CD59: variants seen among roughly 807,000 people sequenced by gnomAD.
CD59 encodes the protein CD59 molecule (CD59 blood group), also known as CD59 glycoprotein.
CD59 carries 3 observed loss-of-function variants against 7.0 expected under a neutral mutation model. The ratio of observed to expected loss-of-function variants is 0.43; its 90% CI spans 0.19 to 1.10. The LOEUF (loss-of-function observed/expected upper bound fraction) is 1.10, where lower values mean the gene tolerates loss of function less well. Among genes scored for constraint, CD59 ranks in the 50% least tolerant of loss-of-function variants. The pLI is 0.29. For synonymous variants in CD59, 60 were observed against 62.0 expected, an observed-to-expected ratio of 0.97 and a Z score of 0.15; for missense variants, 143 against 151.0, an observed-to-expected ratio of 0.95 and a Z score of 0.28.
chr11:33,731,641 C>T (rs943382685), intron 1 of CD59, among the ~76,000 whole-genome samples: 3 of 152,210 alleles, frequency 2.0e-5, no homozygotes, highest in South Asian at 2.1e-4. Flanking sequence ...TCAGGTGCTG[C>T]GTTTCTGCTG....
At position 33,711,356 on chromosome 11, in the gene CD59, T is replaced by C. The variant is rs938250873; in HGVS notation, c.170-1013A>G. 1.3e-5 allele frequency: 9 copies of C among 699,562 alleles called. No homozygotes were observed. In the African/African-American group the frequency reaches 1.4e-4, roughly 11 times the overall value. 43.3% of individuals were successfully genotyped at this position (699,562 alleles called of 1,614,324 possible). A position where few individuals can be genotyped will look rare whatever the true frequency, so the allele number is the denominator to read the frequency against. On this transcript the variant is annotated intron_variant, in intron 3 of 3. Coordinates refer to ENST00000642928, the MANE Select transcript of CD59 (RefSeq NM_000611.6). ...ATAGTATCCAGGATATAGAAAACAT[T>C]CTTAAACTCTACAATAAAAAGACTA...
chr11:33,718,221 G>A lies in CD59; in HGVS notation c.68-750C>T, dbSNP rs929189538. ...ATCTGGGCCAGGCGCAGTGGCTCAC[G>A]CCTGTAATCCCAGCACTTAGGGAAG... is the stretch of plus-strand genomic sequence containing the variant. On this transcript the variant is annotated intron_variant, in intron 2 of 3. Transcript: ENST00000642928. 5.2e-5 allele frequency: 8 copies of A among 153,098 alleles called. 1 individual carries two copies. Among genetic ancestry groups the A allele is most frequent in the Admixed American group, 3.9e-4 (6 of 15,394 alleles). 9.5% of individuals were successfully genotyped at this position (153,098 alleles called of 1,614,324 possible).
intron 1 of CD59, among the ~76,000 whole-genome samples, chr11:33,734,621 C>A (rs1046122273): frequency 6.6e-6 from 1 of 152,206 alleles, no homozygotes; most frequent in African/African-American, 2.4e-5. Context: ...GCAGTTTGTT[C>A]CGGAATGCCA....
At chr11:33,729,026 G>C (rs1854338258) in intron 1 of CD59, among the ~76,000 whole-genome samples, 1 of 152,208 alleles carries the variant, frequency 6.6e-6, no homozygotes, top group African/African-American at 2.4e-5. Context: ...ACAGATGCTG[G>C]AGAGGATGTG....
intron 3 of CD59, among the ~76,000 whole-genome samples, chr11:33,710,818 A>G (rs1853516601): frequency 6.6e-6 from 1 of 151,426 alleles, no homozygotes; most frequent in South Asian, 2.1e-4. Context: ...TCAGCCTCCC[A>G]AAGTGATAGA....
chr11:33,721,273 C>T (rs892714952), intron 2 of CD59, among the ~76,000 whole-genome samples: 4 of 152,090 alleles, frequency 2.6e-5, no homozygotes, highest in Admixed American at 6.5e-5. Flanking sequence ...TGTGTCCTGG[C>T]GCCAAGTTAC....
chr11:33,719,467 C>T (rs933548565), intron 2 of CD59: 2 of 152,094 alleles, frequency 1.3e-5, no homozygotes, highest in Non-Finnish European at 2.9e-5. Context: ...ACAAAATATA[C>T]AAAGATTAGC....
At position 33,717,447 on chromosome 11, in the gene CD59, C is replaced by A; in HGVS notation, c.92G>T (p.Cys31Phe). The A allele has an allele frequency of 6.2e-7, 1 of 1,612,108 alleles. No homozygotes were observed. The highest frequency in any genetic ancestry group is 8.5e-7 in the Non-Finnish European group (1 of 1,178,288). ...HSGHSLQCYNCPNPTADCKTA... is the reference protein window; with the variant it reads ...HSGHSLQCYNFPNPTADCKTA... Reference sequence around the variant, plus strand: ...TTTGCAGTCAGCAGTTGGGTTAGGACAGTTGTAGCACTGCAGGCTATGACC... The same window carrying A: ...TTTGCAGTCAGCAGTTGGGTTAGGAAAGTTGTAGCACTGCAGGCTATGACC... Residue 31 changes from cysteine to phenylalanine, a missense_variant, in exon 3 of 4, where the codon TGT becomes TTT. Cys to Phe is a radical substitution (Grantham distance 205). Coordinates refer to ENST00000642928, the MANE Select transcript of CD59 (RefSeq NM_000611.6).
chr11:33,730,245 C>T (rs1384402806), intron 1 of CD59, among the ~76,000 whole-genome samples: 3 of 151,336 alleles, frequency 2.0e-5, no homozygotes, highest in Non-Finnish European at 4.4e-5. Flanking sequence ...CTGGCAAAAC[C>T]CCATCTCTAC....
At chr11:33,732,939 GGAA>G (rs1280460113) in intron 1 of CD59, among the ~76,000 whole-genome samples, 2 of 152,192 alleles carry the variant, frequency 1.3e-5, no homozygotes, top group Non-Finnish European at 2.9e-5. Flanking sequence ...CATTGAAAGA[GGAA>G]GAAGGTAGCA....
rs1271873272 is a variant in CD59, at chr11:33,707,199, TCTGTTGGCAGCAACAGAAACTAATG to T, written c.*2902_*2926del. 6.6e-6 allele frequency: 1 copy of T among 152,230 alleles called. No homozygotes were observed. Among genetic ancestry groups the T allele is most frequent in the Non-Finnish European group, 1.5e-5 (1 of 68,064 alleles). The allele number at this position is 152,230 out of a possible 1,614,324, so 9.4% of individuals were successfully genotyped here. On this transcript the variant is annotated 3_prime_UTR_variant, in exon 4 of 4. Coordinates refer to ENST00000642928, the MANE Select transcript of CD59 (RefSeq NM_000611.6). Reference sequence around the variant, plus strand: ...GGGGATCTGTTAGCATTAGTTCAGATCTGTTGGCAGCAACAGAAACTAATGCGAGCTAGTAGACTTTGAACACTGC... The same window carrying T: ...GGGGATCTGTTAGCATTAGTTCAGATCGAGCTAGTAGACTTTGAACACTGC...
At chr11:33,720,159 C>T (rs952002844) in intron 2 of CD59, among the ~76,000 whole-genome samples, 1 of 152,222 alleles carries the variant, frequency 6.6e-6, no homozygotes, top group Non-Finnish European at 1.5e-5. Context: ...CATCTATGTG[C>T]TAAGCTCTTC....
At chr11:33,722,354 C>T (rs1248149645) in intron 2 of CD59, 25 bp downstream of exon 2, 1 of 1,550,524 alleles carries the variant, frequency 6.4e-7, no homozygotes, top group Non-Finnish European at 8.9e-7. Flanking sequence ...AGCCTAGATC[C>T]ATGTCCTGAG....
In CD59 at chr11:33,705,297, G is replaced by T. The variant is rs1853265923; in HGVS notation, c.*4829C>A. 6.6e-6 allele frequency: 1 copy of T among 152,242 alleles called. No homozygotes were observed. 9.4% of individuals were successfully genotyped at this position (152,242 alleles called of 1,614,324 possible). A position where few individuals can be genotyped will look rare whatever the true frequency, so the allele number is the denominator to read the frequency against. On this transcript the variant is annotated 3_prime_UTR_variant, in exon 4 of 4. Transcript: ENST00000642928. The stretch of plus-strand genomic sequence containing the variant: ...CACAAGCAACAGAAGCTTACACTGA[G>T]AATTTATTGGAGGGCTTTGAGACAG...
At chr11:33,710,895 A>G (rs79251013) in intron 3 of CD59, among the ~76,000 whole-genome samples, 2 of 152,012 alleles carry the variant, frequency 1.3e-5, no homozygotes, top group East Asian at 1.9e-4. Context: ...GAATGGTCAG[A>G]AAAAAACCTG....
rs939059992 is a variant in CD59, at chr11:33,706,362, C to T, written c.*3764G>A. 1 of 152,122 alleles carries T rather than the reference C, an allele frequency of 6.6e-6. No individual in the cohort carries two copies. Among genetic ancestry groups the T allele is most frequent in the Non-Finnish European group, 1.5e-5 (1 of 68,020 alleles). 9.4% of individuals were successfully genotyped at this position (152,122 alleles called of 1,614,324 possible). ...AAAAGAGACTTCTGGCTAGTTTTCACTTATGTCCAAGTCAGTGGGGGTAAA... is the reference window on the plus strand; with the variant it reads ...AAAAGAGACTTCTGGCTAGTTTTCATTTATGTCCAAGTCAGTGGGGGTAAA... On this transcript the variant is annotated 3_prime_UTR_variant, in exon 4 of 4. Coordinates refer to ENST00000642928, the MANE Select transcript of CD59 (RefSeq NM_000611.6).
chr11:33,722,556 G>A (rs1328481611), intron 1 of CD59, 93 bp from the exon 2 acceptor site: 1 of 1,555,186 alleles, frequency 6.4e-7, no homozygotes, highest in East Asian at 2.4e-5. Context: ...GAAGGCTTCT[G>A]AGAGGAACAT....
chr11:33,710,396 C>A, intron 3 of CD59, 53 bp from the exon 4 acceptor site: 1 of 1,384,526 alleles, frequency 7.2e-7, no homozygotes, highest in South Asian at 1.2e-5. Flanking sequence ...AGTTCTGTAT[C>A]TGCTTTTGAA....
intron 1 of CD59, chr11:33,722,778 G>T (rs1385551240): frequency 4.8e-6 from 5 of 1,043,222 alleles, no homozygotes; most frequent in Non-Finnish European, 4.9e-6. Flanking sequence ...CCACTCTACT[G>T]GCCCCACCCC....
Sources: allele counts gnomAD v4.1 joint callset (sites outside exome capture counted in the v4.1 genomes callset), GRCh38; gene constraint gnomAD v4.1.1; transcripts MANE v1.5; gene names NCBI Gene and HGNC (gene_info 2026-07-23, HGNC 2026-07-21).